The following JCAD variants were observed in gnomAD, a reference collection of about 807,000 sequenced individuals.
The protein encoded by JCAD is junctional cadherin 5 associated.
In JCAD, 40 loss-of-function variants were observed where a neutral mutation model predicts 98.0. The observed-to-expected ratio is 0.41, with a 90% CI of 0.32 to 0.53. The LOEUF (loss-of-function observed/expected upper bound fraction) is 0.53. JCAD is among the 20% of genes least tolerant of loss of function. JCAD has a pLI of 0.31. For missense variants in JCAD, 1,705 were observed against 1,738.1 expected, an observed-to-expected ratio of 0.98 and a Z score of 0.34; for synonymous variants, 691 against 682.3, an observed-to-expected ratio of 1.01 and a Z score of -0.20.
chr10:30,101,021 C>T (rs1052527850), intron 1 of JCAD, among the ~76,000 whole-genome samples: 13 of 152,176 alleles, frequency 8.5e-5, no homozygotes, highest in East Asian at 5.8e-4. Flanking sequence ...GTTAAGATAA[C>T]GAGTTATGGA....
chr10:30,098,835 A>G (rs767827112), intron 1 of JCAD, among the ~76,000 whole-genome samples: 2 of 152,162 alleles, frequency 1.3e-5, no homozygotes, highest in Non-Finnish European at 2.9e-5. Flanking sequence ...TCCACTTACT[A>G]CATCGTCCCC....
In JCAD at chr10:30,013,833, A is replaced by T. The variant is rs1325011598; in HGVS notation, c.*4050T>A. The T allele has an allele frequency of 6.6e-6, 1 of 152,212 alleles. No individual in the cohort carries two copies. The highest frequency in any genetic ancestry group is 1.5e-5 in the Non-Finnish European group (1 of 68,048). 9.4% of individuals were successfully genotyped at this position (152,212 alleles called of 1,614,324 possible). On this transcript the variant is annotated 3_prime_UTR_variant, in exon 4 of 4. Transcript: ENST00000375377. ...TGTCCTCTGCTGTATTCGTACACACAAGTATCGCAGAGGCTTTCCAAGGTC... is the reference window on the plus strand; with the variant it reads ...TGTCCTCTGCTGTATTCGTACACACTAGTATCGCAGAGGCTTTCCAAGGTC...
At chr10:30,046,445 C>A (rs893825286) in intron 2 of JCAD, among the ~76,000 whole-genome samples, 1 of 152,136 alleles carries the variant, frequency 6.6e-6, no homozygotes, top group Non-Finnish European at 1.5e-5. Context: ...AAAGATAGGT[C>A]AGAAGCCAAT....
intron 1 of JCAD, among the ~76,000 whole-genome samples, chr10:30,095,649 G>A (rs1043487176): frequency 1.3e-5 from 2 of 152,200 alleles, no homozygotes; most frequent in African/African-American, 4.8e-5. Flanking sequence ...GCTCACCTGT[G>A]GAACTCCCAG....
At chr10:30,039,091 A>G (rs2132632927) in intron 2 of JCAD, among the ~76,000 whole-genome samples, 1 of 152,346 alleles carries the variant, frequency 6.6e-6, no homozygotes, top group East Asian at 1.9e-4. Flanking sequence ...CTTCTAATGA[A>G]TGTAAAGGCA....
At chr10:30,096,174 C>T (rs1414349988) in intron 1 of JCAD, among the ~76,000 whole-genome samples, 1 of 152,198 alleles carries the variant, frequency 6.6e-6, no homozygotes, top group Non-Finnish European at 1.5e-5. Flanking sequence ...AACCCTGCCT[C>T]TCTGTCTTCC....
chr10:30,050,314 CAAAAAA>C (rs61421356), intron 1 of JCAD, among the ~76,000 whole-genome samples: 542 of 41,754 alleles, frequency 0.013, 7 homozygotes, highest in African/African-American at 0.036. Flanking sequence ...GACCCTGTCT[CAAAAAA>C]AAAAAAAAAA....
Position 30,026,893 on chromosome 10 carries a change from C to T in JCAD, c.3255G>A (p.Arg1085=), listed in dbSNP as rs745918248. The T allele has an allele frequency of 1.2e-6, 2 of 1,614,048 alleles. No individual in the cohort carries two copies. Among genetic ancestry groups the T allele is most frequent in the South Asian group, 1.1e-5 (1 of 91,082 alleles). ...EIPPGESLQA[R]AARILGIEVA... ...CCTCAATGCCCAGGATCCTTGCAGC[C>T]CTGGCTTGCAAGGACTCACCTGGGG... The change falls in exon 3 of 4, where the codon AGG becomes AGA. Residue 1085 remains arginine (R), a synonymous_variant. Coordinates refer to ENST00000375377, the MANE Select transcript of JCAD (RefSeq NM_020848.4).
chr10:30,092,098 T>TAAATATATATA (rs1554802539), intron 1 of JCAD, among the ~76,000 whole-genome samples: 3 of 44,596 alleles, frequency 6.7e-5, no homozygotes, highest in Non-Finnish European at 1.1e-4. Flanking sequence ...TAAAGTTACT[T>TAAATATATATA]TATATATATA....
intron 2 of JCAD, 46 bp from the exon 3 acceptor site, chr10:30,029,912 C>A: frequency 6.5e-7 from 1 of 1,535,936 alleles, no homozygotes; most frequent in South Asian, 1.2e-5. Flanking sequence ...AGAAACATGT[C>A]TTCATCTGCT....
chr10:30,045,946 T>G (rs895237872), intron 2 of JCAD, among the ~76,000 whole-genome samples: 1 of 152,190 alleles, frequency 6.6e-6, no homozygotes, highest in Non-Finnish European at 1.5e-5. Flanking sequence ...CCTTCCCATT[T>G]TTGCCTGAAA....
chr10:30,017,151 AC>A lies in JCAD; in HGVS notation c.*731del, dbSNP rs1221694936. On this transcript the variant is annotated 3_prime_UTR_variant, in exon 4 of 4. Transcript: ENST00000375377. ...TTTTTCATATAAAGAATTTCTAAAT[AC>A]CCATACAGAAAATAAAAATAGATAA... The A allele has an allele frequency of 6.6e-6, 1 of 152,230 alleles. No individual in the cohort carries two copies. The highest frequency in any genetic ancestry group is 1.5e-5 in the Non-Finnish European group (1 of 68,044). 9.4% of individuals were successfully genotyped at this position (152,230 alleles called of 1,614,324 possible).
intron 3 of JCAD, among the ~76,000 whole-genome samples, chr10:30,024,599 T>C (rs1240135004): frequency 6.6e-6 from 1 of 151,960 alleles, no homozygotes; most frequent in Non-Finnish European, 1.5e-5. Flanking sequence ...TTCAATCATG[T>C]GTTTTGCATA....
intron 1 of JCAD, among the ~76,000 whole-genome samples, chr10:30,083,016 G>C (rs1219486068): frequency 2.0e-5 from 3 of 151,746 alleles, no homozygotes; most frequent in Non-Finnish European, 4.4e-5. Context: ...CCTGGCAACA[G>C]AGCAAGATTC....
intron 3 of JCAD, among the ~76,000 whole-genome samples, chr10:30,019,541 T>C (rs1273841404): frequency 1.0e-5 from 1 of 99,604 alleles, no homozygotes; most frequent in Non-Finnish European, 2.1e-5. Flanking sequence ...CACCTATATG[T>C]GGAATCATTT....
chr10:30,035,853 G>C (rs1837097571), intron 2 of JCAD, among the ~76,000 whole-genome samples: 1 of 152,154 alleles, frequency 6.6e-6, no homozygotes, highest in Non-Finnish European at 1.5e-5. Context: ...TCTTTACACA[G>C]AATTCCCGGG....
chr10:30,087,562 C>A (rs1838186152), intron 1 of JCAD, among the ~76,000 whole-genome samples: 1 of 152,230 alleles, frequency 6.6e-6, no homozygotes, highest in Admixed American at 6.5e-5. Context: ...TTGGCCAGTT[C>A]TCAAGGAGGG....
Position 30,026,432 on chromosome 10 carries a change from A to G in JCAD, c.3716T>C (p.Val1239Ala), listed in dbSNP as rs1249178849. ...SEKRLRSPSK[V>A]IESLQEKLAS... ...CAGTTTCTCTTGTAAACTTTCAATC[A>G]CTTTGGAAGGGCTTCTAAGTCTCTT... is the stretch of plus-strand genomic sequence containing the variant. Residue 1239 changes from valine (V) to alanine (A), a missense_variant, in exon 3 of 4, where the codon GTG (valine) becomes GCG (alanine). By Grantham distance (64) the Val-to-Ala change is moderately conservative. Transcript: ENST00000375377. The G allele has an allele frequency of 6.2e-7, 1 of 1,613,990 alleles. No homozygotes were observed.
chr10:30,033,672 C>T (rs1837049293), intron 2 of JCAD, among the ~76,000 whole-genome samples: 1 of 152,190 alleles, frequency 6.6e-6, no homozygotes, highest in East Asian at 1.9e-4. Context: ...TCCAGCAACA[C>T]AGTCTGCTTT....
Sources: gnomAD v4.1 joint callset for allele counts (sites outside exome capture counted in the v4.1 genomes callset) on GRCh38, gnomAD v4.1.1 for gene constraint, MANE v1.5 for transcripts, NCBI Gene and HGNC (gene_info 2026-07-23, HGNC 2026-07-21) for gene names.